Variants in IRAK1BP1 observed in about 807,000 individuals in gnomAD.
IRAK1BP1 encodes the protein interleukin-1 receptor-associated kinase 1-binding protein 1.
In IRAK1BP1, 24 loss-of-function variants were observed where a neutral mutation model predicts 28.0. The ratio of observed to expected loss-of-function variants is 0.86; its 90% CI spans 0.62 to 1.20. The LOEUF is 1.20. Among genes scored for constraint, IRAK1BP1 ranks in the 50% most tolerant of loss-of-function variants. IRAK1BP1 has a pLI of 0.00. For synonymous variants in IRAK1BP1, 131 were observed against 116.3 expected (o/e 1.13, Z -0.81); for missense variants, 336 against 316.7 (o/e 1.06, Z -0.46).
intron 4 of IRAK1BP1, among the ~76,000 whole-genome samples, chr6:78,925,164 T>C (rs1772852170): frequency 6.6e-6 from 1 of 151,500 alleles, no homozygotes; most frequent in Non-Finnish European, 1.5e-5. Flanking sequence ...CACCGGGGCC[T>C]GTTTTGGGGT....
intron 4 of IRAK1BP1, among the ~76,000 whole-genome samples, chr6:78,921,655 C>G (rs958142196): frequency 2.6e-5 from 4 of 152,174 alleles, no homozygotes; most frequent in African/African-American, 9.7e-5. Flanking sequence ...CACGAGTGGC[C>G]TAACTGGGAG....
chr6:78,878,504 T>TCAAAGAC (rs1256988039), intron 1 of IRAK1BP1, among the ~76,000 whole-genome samples: 2 of 152,072 alleles, frequency 1.3e-5, no homozygotes, highest in Admixed American at 1.3e-4. Flanking sequence ...GTCACCATCA[T>TCAAAGAC]CAAAGACCAA....
intron 4 of IRAK1BP1, among the ~76,000 whole-genome samples, chr6:78,921,973 A>G (rs1314028104): frequency 6.6e-6 from 1 of 152,190 alleles, no homozygotes; most frequent in Non-Finnish European, 1.5e-5. Context: ...AAAGATGGGG[A>G]AAAAACAGAG....
chr6:78,895,679 A>G (rs2127653143), intron 2 of IRAK1BP1, among the ~76,000 whole-genome samples: 1 of 152,334 alleles, frequency 6.6e-6, no homozygotes, highest in South Asian at 2.1e-4. Context: ...AGCACTTAAC[A>G]AAGTCCATTA....
chr6:78,924,995 A>G (rs2127667727), intron 4 of IRAK1BP1, among the ~76,000 whole-genome samples: 1 of 152,352 alleles, frequency 6.6e-6, no homozygotes, highest in Non-Finnish European at 1.5e-5. Context: ...GCCATAAAAA[A>G]TGATGAGTTC....
At chr6:78,915,397 A>G (rs975747973) in intron 4 of IRAK1BP1, among the ~76,000 whole-genome samples, 2 of 152,216 alleles carry the variant, frequency 1.3e-5, no homozygotes, top group Non-Finnish European at 2.9e-5. Flanking sequence ...ATGCTAAAGC[A>G]TGTTATAGTG....
downstream of IRAK1BP1, among the ~76,000 whole-genome samples, chr6:78,906,307 A>G (rs781413538): frequency 5.3e-5 from 8 of 152,116 alleles, no homozygotes; most frequent in Non-Finnish European, 1.2e-4. Context: ...CAAAGAACAG[A>G]TTGAGGTCAC....
At chr6:78,911,217 A>C (rs1369534522) in intron 4 of IRAK1BP1, among the ~76,000 whole-genome samples, 1 of 152,080 alleles carries the variant, frequency 6.6e-6, no homozygotes, top group East Asian at 1.9e-4. Flanking sequence ...CAGTGTCAAA[A>C]TCAGGTCAGG....
At chr6:78,945,973 A>G in exon 5 of IRAK1BP1, 1 of 1,527,732 alleles carries the variant, frequency 6.5e-7, no homozygotes, top group Non-Finnish European at 9.1e-7. Flanking sequence ...ATCATCATAT[A>G]CATTTCAATT....
chr6:78,972,911 C>T, the IRAK1BP1 span, among the ~76,000 whole-genome samples: 10 of 152,082 alleles, frequency 6.6e-5, no homozygotes, highest in Non-Finnish European at 1.0e-4. Flanking sequence ...GATTGGTGTA[C>T]CTGAAAGTGA....
At chr6:78,912,524 G>A (rs1351560481) in intron 4 of IRAK1BP1, among the ~76,000 whole-genome samples, 3 of 151,130 alleles carry the variant, frequency 2.0e-5, no homozygotes, top group African/African-American at 7.3e-5. Context: ...ACACATAAAT[G>A]TGTATACACA....
chr6:78,883,692 G>C (rs1303284832), intron 1 of IRAK1BP1, among the ~76,000 whole-genome samples: 1 of 152,146 alleles, frequency 6.6e-6, no homozygotes. Context: ...ATATAGTACA[G>C]ACCCCTAATT....
chr6:78,977,471 C>T, the IRAK1BP1 span, among the ~76,000 whole-genome samples: 7 of 151,548 alleles, frequency 4.6e-5, no homozygotes, highest in African/African-American at 1.5e-4. Context: ...CACATGTATA[C>T]GTATGTAACT....
rs1314900115 is a variant in IRAK1BP1, at chr6:78,867,886, G to A, written c.310G>A (p.Val104Met). The A allele has an allele frequency of 1.9e-6, 3 of 1,586,054 alleles. No homozygotes were observed. Among genetic ancestry groups the A allele is most frequent in the Non-Finnish European group, 2.6e-6 (3 of 1,165,178 alleles). The change falls in exon 1 of 4, where the codon GTG (valine) becomes ATG (methionine). Residue 104 changes from valine to methionine, a missense_variant. Coordinates refer to ENST00000369940, the MANE Select transcript of IRAK1BP1 (RefSeq NM_001010844.4). ...YITQSLQQQG[V>M]QAENITVTKD... ...CACGCAGAGCCTCCAGCAGCAGGGCGTGCAGGTGAGATCTCCGCGGGGGAG... is the reference window on the plus strand; with the variant it reads ...CACGCAGAGCCTCCAGCAGCAGGGCATGCAGGTGAGATCTCCGCGGGGGAG...
chr6:78,968,000 T>C, the IRAK1BP1 span, among the ~76,000 whole-genome samples: 2 of 150,394 alleles, frequency 1.3e-5, no homozygotes, highest in African/African-American at 4.9e-5. Context: ...TAGCCAGGCG[T>C]GGTGGCAGGA....
At chr6:78,972,646 T>G in the IRAK1BP1 span, among the ~76,000 whole-genome samples, 1 of 152,168 alleles carries the variant, frequency 6.6e-6, no homozygotes, top group South Asian at 2.1e-4. Flanking sequence ...TTTAGAAGAA[T>G]GTGTAACTAG....
At position 78,867,767 on chromosome 6, in the gene IRAK1BP1, G is replaced by C. The variant is rs200563777; in HGVS notation, c.191G>C (p.Gly64Ala). ...AGCGGCACCTCAGAAGTGTCTGCGG[G>C]CCCTGACCGGGCGCAGGTGGTGGTG... ...QVSGTSEVSA[G>A]PDRAQVVVRV... is the part of the protein sequence containing the mutation. The change falls in exon 1 of 4, where the codon GGC becomes GCC. Residue 64 changes from glycine (G) to alanine (A), a missense_variant. Gly to Ala is a moderately conservative substitution (Grantham distance 60, BLOSUM62 0). Transcript: ENST00000369940. 6.2e-7 allele frequency: 1 copy of C among 1,614,104 alleles called. No homozygotes were observed. Among genetic ancestry groups the C allele is most frequent in the East Asian group, 2.2e-5 (1 of 44,854 alleles).
chr6:78,964,495 T>TATC, the IRAK1BP1 span, among the ~76,000 whole-genome samples: 1 of 152,086 alleles, frequency 6.6e-6, no homozygotes, highest in Non-Finnish European at 1.5e-5. Context: ...AGATGTAATA[T>TATC]ATTATTATTA....
In IRAK1BP1 at chr6:78,901,665, A is replaced by G. The variant is rs1772106959; in HGVS notation, c.*3331A>G. Reference sequence around the variant, plus strand: ...GGAAGTGCTATTAAAAGGAAATGCTATTAAAATAAGATTTCATATATTACT... The same window carrying G: ...GGAAGTGCTATTAAAAGGAAATGCTGTTAAAATAAGATTTCATATATTACT... On this transcript the variant is annotated 3_prime_UTR_variant, in exon 4 of 4. Transcript: ENST00000369940. 6.6e-6 allele frequency: 1 copy of G among 152,198 alleles called. No homozygotes were observed. Among genetic ancestry groups the G allele is most frequent in the Admixed American group, 6.5e-5 (1 of 15,282 alleles). The allele number at this position is 152,198 out of a possible 1,614,324, so 9.4% of individuals were successfully genotyped here.
Sources: allele counts gnomAD v4.1 joint callset (sites outside exome capture counted in the v4.1 genomes callset), GRCh38; gene constraint gnomAD v4.1.1; transcripts MANE v1.5; gene names NCBI Gene and HGNC (gene_info 2026-07-23, HGNC 2026-07-21).